Variants in SOS1 observed in about 807,000 individuals in gnomAD.
SOS1 encodes the protein SOS Ras/Rac guanine nucleotide exchange factor 1.
In SOS1, 25 loss-of-function variants were observed where a neutral mutation model predicts 157.6. The ratio of observed to expected loss-of-function variants is 0.16; its 90% CI spans 0.12 to 0.22. SOS1 has a LOEUF of 0.22. SOS1 is among the 10% of genes least tolerant of loss of function. The probability of loss-of-function intolerance (pLI) is 1.00; values close to 1 mark genes in which losing one functional copy is unlikely to be tolerated. For synonymous variants in SOS1, 528 were observed against 534.0 expected (o/e 0.99, Z 0.16); for missense variants, 1,237 against 1,599.1 (o/e 0.77, Z 3.86).
At chr2:39,044,782 T>C (rs1243889352) in intron 6 of SOS1, among the ~76,000 whole-genome samples, 1 of 152,074 alleles carries the variant, frequency 6.6e-6, no homozygotes, top group African/African-American at 2.4e-5. Flanking sequence ...GTGTGTGGAT[T>C]TGGGTATCTG....
rs757665360 is a variant in SOS1 at position 39,120,304 on chromosome 2, G to T, written c.87+32C>A. 10 of 1,546,306 alleles carry T rather than the reference G, an allele frequency of 6.5e-6. 1 individual carries two copies. In the South Asian group the frequency reaches 1.0e-4, roughly 16 times the overall value. On this transcript the variant is annotated intron_variant, in intron 1 of 22. Transcript: ENST00000402219. ...CCCAGCGCCCGCGCTGGGGGGCTGC[G>T]GCCGGGAAGCGGGGTCCCGCGTGCT...
intron 4 of SOS1, among the ~76,000 whole-genome samples, chr2:39,055,079 T>A (rs1398332332): frequency 6.6e-6 from 1 of 152,228 alleles, no homozygotes; most frequent in Admixed American, 6.5e-5. Flanking sequence ...CTTGTTAACC[T>A]ATTACTTCCA....
At chr2:39,050,886 T>C (rs901442148) in intron 6 of SOS1, among the ~76,000 whole-genome samples, 1 of 152,184 alleles carries the variant, frequency 6.6e-6, no homozygotes, top group African/African-American at 2.4e-5. Context: ...CGTTTTACAG[T>C]AGGCCATTGG....
At chr2:39,099,459 C>T (rs1304995034) in intron 1 of SOS1, among the ~76,000 whole-genome samples, 1 of 152,024 alleles carries the variant, frequency 6.6e-6, no homozygotes, top group Non-Finnish European at 1.5e-5. Context: ...AGGATGATGG[C>T]TAAAGGGTAT....
rs1258542402 is a variant in SOS1 at position 39,054,167 on chromosome 2, T to G, written c.720+447A>C. Among the ~76,000 whole-genome samples the G allele has an allele frequency of 2.6e-5, 4 of 152,214 alleles. No homozygotes were observed. The East Asian group carries it at 5.8e-4, about 22-fold the overall frequency. ...TGGTCTCCATCTCCTGACCTCGTGA[T>G]CTGCCCGCCTCGGCCTCCCAAAGTG... On this transcript the variant is annotated intron_variant, in intron 5 of 22. Coordinates refer to ENST00000402219, the MANE Select transcript of SOS1 (RefSeq NM_005633.4).
Position 38,984,518 on chromosome 2 carries a change from A to C in SOS1, c.*1306T>G. On this transcript the variant is annotated 3_prime_UTR_variant, in exon 23 of 23. Coordinates refer to ENST00000402219, the MANE Select transcript of SOS1 (RefSeq NM_005633.4). Reference sequence around the variant, plus strand: ...AAACTTACTTACAAAGTTCTGCTTAAAAGATACCCATCCTATTCTAACCAA... The same window carrying C: ...AAACTTACTTACAAAGTTCTGCTTACAAGATACCCATCCTATTCTAACCAA... The C allele has an allele frequency of 6.6e-6, 1 of 152,188 alleles. No homozygotes were observed. The highest frequency in any genetic ancestry group is 1.9e-4 in the East Asian group (1 of 5,196). The allele number at this position is 152,188 out of a possible 1,614,324, so 9.4% of individuals were successfully genotyped here.
chr2:39,010,765 T>G, intron 14 of SOS1, 62 bp from the exon 15 acceptor site: 1 of 1,345,702 alleles, frequency 7.4e-7, no homozygotes, highest in Non-Finnish European at 1.1e-6. Context: ...CATTGTTTTA[T>G]TAAGTAAAGG....
chr2:39,044,788 A>G (rs1446370365), intron 6 of SOS1, among the ~76,000 whole-genome samples: 1 of 152,106 alleles, frequency 6.6e-6, no homozygotes, highest in Non-Finnish European at 1.5e-5. Flanking sequence ...GGATTTGGGT[A>G]TCTGCAGGGA....
intron 15 of SOS1, 116 bp downstream of exon 15, chr2:39,010,468 C>G (rs532972679): frequency 1.5e-5 from 14 of 933,536 alleles, no homozygotes; most frequent in African/African-American, 3.3e-5. Flanking sequence ...TGCCACTGCA[C>G]TCCAGCCTAT....
intron 1 of SOS1, among the ~76,000 whole-genome samples, chr2:39,110,800 A>G (rs1331131206): frequency 6.6e-6 from 1 of 152,232 alleles, no homozygotes. Context: ...ATTTGACTCC[A>G]TCAGTATTAA....
intron 1 of SOS1, among the ~76,000 whole-genome samples, chr2:39,110,023 C>A (rs576879246): frequency 1.4e-5 from 2 of 138,844 alleles, no homozygotes; most frequent in Admixed American, 7.0e-5. Flanking sequence ...GATACAGATA[C>A]AGTTGTGTGT....
chr2:39,072,697 C>T (rs1346826320), intron 1 of SOS1, among the ~76,000 whole-genome samples: 8 of 152,074 alleles, frequency 5.3e-5, no homozygotes, highest in Admixed American at 5.2e-4. Flanking sequence ...CAAATAAGAA[C>T]TATTAAATAA....
chr2:38,997,178 T>G, intron 18 of SOS1, 75 bp downstream of exon 18: 1 of 1,274,164 alleles, frequency 7.8e-7, no homozygotes, highest in Non-Finnish European at 1.1e-6. Context: ...TTCTCCCCTA[T>G]AAAATAAACC....
At chr2:39,033,552 T>C (rs990555332) in intron 8 of SOS1, among the ~76,000 whole-genome samples, 13 of 152,138 alleles carry the variant, frequency 8.5e-5, no homozygotes, top group Non-Finnish European at 1.8e-4. Context: ...TTTTGTATTT[T>C]TGAGACAGGG....
chr2:39,075,879 A>C (rs1671954658), intron 1 of SOS1, among the ~76,000 whole-genome samples: 1 of 152,150 alleles, frequency 6.6e-6, no homozygotes, highest in Non-Finnish European at 1.5e-5. Flanking sequence ...AAAAATTATA[A>C]ATTATCAAAA....
intron 5 of SOS1, among the ~76,000 whole-genome samples, chr2:39,052,345 A>G (rs1394393772): frequency 6.6e-6 from 1 of 152,172 alleles, no homozygotes; most frequent in African/African-American, 2.4e-5. Flanking sequence ...CGAAACTCCT[A>G]TTTTAAATGT....
Position 39,020,971 on chromosome 2 carries a change from A to C in SOS1, c.1858+1599T>G, listed in dbSNP as rs534396762. On this transcript the variant is annotated intron_variant, in intron 10 of 22. Transcript: ENST00000402219. ...TTATTGGAAGGAATTTTTTAAAAAC[A>C]TTTTTTTTAAGTAAAATAATCTCAT... Among the ~76,000 whole-genome samples the C allele has an allele frequency of 2.4e-4, 33 of 138,584 alleles. 1 individual carries two copies. Among genetic ancestry groups the C allele is most frequent in the Admixed American group, 2.2e-3 (31 of 13,814 alleles). 90.9% of individuals were successfully genotyped at this position (138,584 alleles called of 152,430 possible).
At chr2:38,993,219 G>A (rs1429692754) in intron 20 of SOS1, among the ~76,000 whole-genome samples, 2 of 152,036 alleles carry the variant, frequency 1.3e-5, no homozygotes, top group Admixed American at 1.3e-4. Flanking sequence ...GAGTGCAGTG[G>A]CATGATCACA....
At chr2:39,082,245 AATTATTAATATTTAAT>A (rs1332038944) in intron 1 of SOS1, among the ~76,000 whole-genome samples, 1 of 152,208 alleles carries the variant, frequency 6.6e-6, no homozygotes, top group Non-Finnish European at 1.5e-5. Flanking sequence ...GTAAATAGTT[AATTATTAATATTTAAT>A]TCATAAGAGT....
Sources: gnomAD v4.1 joint callset for allele counts (sites outside exome capture counted in the v4.1 genomes callset) on GRCh38, gnomAD v4.1.1 for gene constraint, MANE v1.5 for transcripts, NCBI Gene and HGNC (gene_info 2026-07-23, HGNC 2026-07-21) for gene names.